The following DPYD variants were observed in gnomAD, a reference collection of about 807,000 sequenced individuals.
DPYD encodes the protein dihydropyrimidine dehydrogenase, also known as dihydropyrimidine dehydrogenase [NADP(+)].
Under a neutral mutation model 116.2 loss-of-function variants are expected in DPYD, and 109 were observed. The ratio of observed to expected loss-of-function variants is 0.94; its 90% CI spans 0.80 to 1.10. The LOEUF (loss-of-function observed/expected upper bound fraction) is 1.10. Among genes scored for constraint, DPYD ranks in the 50% least tolerant of loss-of-function variants. The probability of loss-of-function intolerance (pLI) is 0.00; values close to 1 mark genes in which losing one functional copy is unlikely to be tolerated. For missense variants in DPYD, 1,302 were observed against 1,254.5 expected (o/e 1.04, Z -0.57); for synonymous variants, 440 against 432.0 (o/e 1.02, Z -0.23).
At chr1:97,554,076 G>T (rs1460923509) in intron 11 of DPYD, among the ~76,000 whole-genome samples, 3 of 152,104 alleles carry the variant, frequency 2.0e-5, no homozygotes, top group African/African-American at 7.2e-5. Flanking sequence ...TTAATGCTGT[G>T]CATGAAATGA....
intron 14 of DPYD, among the ~76,000 whole-genome samples, chr1:97,389,982 T>C: frequency 1.3e-5 from 2 of 152,092 alleles, no homozygotes; most frequent in Middle Eastern, 3.4e-3. Flanking sequence ...CCTTAGGGAA[T>C]AAATAAAATT....
At chr1:97,752,294 AC>A (rs1302715446) in intron 3 of DPYD, among the ~76,000 whole-genome samples, 3 of 123,560 alleles carry the variant, frequency 2.4e-5, no homozygotes, top group Non-Finnish European at 5.3e-5. Flanking sequence ...CCTACTTCAC[AC>A]ACACACACAC....
chr1:97,899,422 G>T lies in DPYD; in HGVS notation c.40-16048C>A, dbSNP rs549879187. 1.9e-3 allele frequency among the ~76,000 whole-genome samples: 288 copies of T among 151,902 alleles called. 3 individuals carry two copies. Among genetic ancestry groups the T allele is most frequent in the Non-Finnish European group, 2.3e-3 (158 of 67,872 alleles). On this transcript the variant is annotated intron_variant, in intron 1 of 22. Transcript: ENST00000370192. ...TTGTGGGTGACTTCCTCTGAACTTTGACAAATGCGCCTTTTCCCTTTGTTT... is the reference window on the plus strand; with the variant it reads ...TTGTGGGTGACTTCCTCTGAACTTTTACAAATGCGCCTTTTCCCTTTGTTT...
intron 2 of DPYD, among the ~76,000 whole-genome samples, chr1:97,881,461 T>C (rs978230122): frequency 1.3e-5 from 2 of 152,150 alleles, no homozygotes; most frequent in East Asian, 1.9e-4. Flanking sequence ...TCCCTAGGTA[T>C]AGCATCACAG....
At chr1:97,894,536 C>A (rs1453691615) in intron 1 of DPYD, among the ~76,000 whole-genome samples, 2 of 151,456 alleles carry the variant, frequency 1.3e-5, no homozygotes, top group South Asian at 4.1e-4. Context: ...GAAGAAACTT[C>A]AGAATAACCA....
intron 1 of DPYD, among the ~76,000 whole-genome samples, chr1:97,902,072 C>T (rs1673395747): frequency 6.6e-6 from 1 of 151,772 alleles, no homozygotes; most frequent in South Asian, 2.1e-4. Flanking sequence ...AGTATGATGA[C>T]TGGCTATTAC....
intron 12 of DPYD, among the ~76,000 whole-genome samples, chr1:97,545,053 T>C (rs1650723638): frequency 1.3e-5 from 2 of 152,004 alleles, no homozygotes; most frequent in Non-Finnish European, 2.9e-5. Context: ...TAAAATAAAA[T>C]AAGGGTATAA....
intron 20 of DPYD, among the ~76,000 whole-genome samples, chr1:97,146,881 A>C (rs1654670713): frequency 6.6e-6 from 1 of 152,180 alleles, no homozygotes; most frequent in Non-Finnish European, 1.5e-5. Flanking sequence ...AAAATAAACA[A>C]AGCTTCCTGG....
intron 2 of DPYD, among the ~76,000 whole-genome samples, chr1:97,870,149 C>A (rs1343733506): frequency 6.6e-6 from 1 of 151,740 alleles, no homozygotes; most frequent in African/African-American, 2.4e-5. Flanking sequence ...GGATAAATCA[C>A]ATGAAATATT....
chr1:97,167,390 GTC>G (rs2101759917), intron 20 of DPYD, among the ~76,000 whole-genome samples: 1 of 152,204 alleles, frequency 6.6e-6, no homozygotes, highest in South Asian at 2.1e-4. Context: ...ATTACTTTGA[GTC>G]TCTAGAGTAA....
intron 8 of DPYD, among the ~76,000 whole-genome samples, chr1:97,666,959 T>G (rs1659597281): frequency 6.6e-6 from 1 of 152,244 alleles, no homozygotes; most frequent in African/African-American, 2.4e-5. Flanking sequence ...TGTTCTTAAG[T>G]AATTTTTTGG....
intron 3 of DPYD, among the ~76,000 whole-genome samples, chr1:97,804,414 T>C (rs1324123446): frequency 1.3e-5 from 2 of 151,782 alleles, no homozygotes; most frequent in Non-Finnish European, 3.0e-5. Context: ...TAATATAAAG[T>C]CCTAAAACTA....
chr1:97,309,681 TCG>T (rs200705107), intron 16 of DPYD, among the ~76,000 whole-genome samples: 27,740 of 151,560 alleles, frequency 0.18, 3,151 homozygotes, highest in Non-Finnish European at 0.27. Context: ...ACTAATCTTA[TCG>T]GGAATAGATT....
At chr1:97,519,632 C>T (rs867579105) in intron 12 of DPYD, among the ~76,000 whole-genome samples, 1 of 152,128 alleles carries the variant, frequency 6.6e-6, no homozygotes, top group Non-Finnish European at 1.5e-5. Context: ...AAGAGACTAT[C>T]TACTTTAAAA....
intron 20 of DPYD, among the ~76,000 whole-genome samples, chr1:97,117,788 C>A (rs1652096494): frequency 6.6e-6 from 1 of 152,090 alleles, no homozygotes; most frequent in Admixed American, 6.6e-5. Context: ...GTTGAAATAA[C>A]ATAGAAACTC....
chr1:97,392,959 T>C (rs901916143), intron 14 of DPYD, among the ~76,000 whole-genome samples: 1 of 152,074 alleles, frequency 6.6e-6, no homozygotes, highest in Admixed American at 6.6e-5. Context: ...TAAGGGCATC[T>C]AGAATGGTTT....
At chr1:97,893,979 C>A (rs1048197359) in intron 1 of DPYD, among the ~76,000 whole-genome samples, 3 of 151,776 alleles carry the variant, frequency 2.0e-5, no homozygotes, top group Non-Finnish European at 2.9e-5. Context: ...ACAGAGCATG[C>A]CAAAGGTAGT....
rs1437259745 is a variant in DPYD at position 97,693,322 on chromosome 1, A to G, written c.681-1524T>C. ...AAAAAAAAAAAAAAAAAAAAACCAA[A>G]AAAGAAAATGCAAGGTATCAAACAC... On this transcript the variant is annotated intron_variant, in intron 6 of 22. Transcript: ENST00000370192. Among the ~76,000 whole-genome samples, 3 of 149,012 alleles carry G rather than the reference A, an allele frequency of 2.0e-5. No homozygotes were observed. The East Asian group carries it at 5.8e-4, about 29-fold the overall frequency.
At chr1:97,671,581 A>C (rs1353297989) in intron 8 of DPYD, among the ~76,000 whole-genome samples, 1 of 152,196 alleles carries the variant, frequency 6.6e-6, no homozygotes, top group Non-Finnish European at 1.5e-5. Flanking sequence ...TATAATCTCA[A>C]AATTTCTCAA....
Sources: gnomAD v4.1 joint callset for allele counts (sites outside exome capture counted in the v4.1 genomes callset) on GRCh38, gnomAD v4.1.1 for gene constraint, MANE v1.5 for transcripts, NCBI Gene and HGNC (gene_info 2026-07-23, HGNC 2026-07-21) for gene names.